The following MBD3 variants were observed in gnomAD, a reference collection of about 807,000 sequenced individuals.
The protein encoded by MBD3 is methyl-CpG-binding domain protein 3.
A neutral mutation model predicts 31.2 loss-of-function variants in MBD3; 13 were observed. The observed-to-expected ratio is 0.42, with a 90% CI of 0.27 to 0.66. The LOEUF (loss-of-function observed/expected upper bound fraction) is 0.66, where lower values mean the gene tolerates loss of function less well. MBD3 is among the 30% of genes least tolerant of loss of function. The probability of loss-of-function intolerance (pLI) is 0.26; values close to 1 mark genes in which losing one functional copy is unlikely to be tolerated. For missense variants in MBD3, 440 were observed against 426.5 expected, an observed-to-expected ratio of 1.03 and a Z score of -0.28; for synonymous variants, 223 against 187.4, an observed-to-expected ratio of 1.19 and a Z score of -1.55.
chr19:1,583,165 T>C (rs1207445428), intron 3 of MBD3: 15 of 164,118 alleles, frequency 9.1e-5, no homozygotes, highest in Non-Finnish European at 1.7e-4. Context: ...GACCGCACCA[T>C]TGCACTACAG....
intron 4 of MBD3, 22 bp from the exon 5 acceptor site, chr19:1,581,291 G>T: frequency 6.2e-7 from 1 of 1,600,658 alleles, no homozygotes. Flanking sequence ...TGGACAAACA[G>T]CCGCAAGTGG....
rs1455194835 is a variant in MBD3 at position 1,573,852 on chromosome 19, AT to A, written c.*4311del. The A allele has an allele frequency of 1.3e-5, 2 of 152,132 alleles. No individual in the cohort carries two copies. The highest frequency in any genetic ancestry group is 1.9e-4 in the East Asian group (1 of 5,200). The allele number at this position is 152,132 out of a possible 1,614,324, so 9.4% of individuals were successfully genotyped here. ...CCCTGTCTCTACTAAAAGTACAAAG[AT>A]TAGCTGGGTGTGGTGGCGGGCGCCC... is the stretch of plus-strand genomic sequence containing the variant. On this transcript the variant is annotated 3_prime_UTR_variant, in exon 7 of 7. Coordinates refer to ENST00000434436, the MANE Select transcript of MBD3 (RefSeq NM_001281453.2).
intron 1 of MBD3, 47 bp downstream of exon 1, chr19:1,592,475 C>G (rs200836939): frequency 5.4e-6 from 6 of 1,108,304 alleles, no homozygotes; most frequent in Non-Finnish European, 7.3e-6. Flanking sequence ...GCAGAGGCCG[C>G]TGGGAGGAGC....
intron 1 of MBD3, chr19:1,592,014 C>G (rs1027570417): frequency 6.6e-6 from 1 of 152,310 alleles, no homozygotes; most frequent in Non-Finnish European, 1.5e-5. Context: ...GCGTGGGAGA[C>G]CAGTCACCCT....
chr19:1,584,990 G>T lies in MBD3; in HGVS notation c.270+65C>A, dbSNP rs143025059. On this transcript the variant is annotated intron_variant, in intron 2 of 6. Coordinates refer to ENST00000434436, the MANE Select transcript of MBD3 (RefSeq NM_001281453.2). The stretch of plus-strand genomic sequence containing the variant: ...CCGGGCTGTGTCGCCTGCAGCTCAC[G>T]TCATGGCCGCGTCCCCGCCTAGAAC... 1.3e-3 allele frequency: 2,117 copies of T among 1,592,460 alleles called. 22 individuals carry two copies. The African/African-American group carries it at 0.015, about 11-fold the overall frequency.
At chr19:1,588,295 T>C (rs1173450070) in intron 1 of MBD3, among the ~76,000 whole-genome samples, 1 of 152,172 alleles carries the variant, frequency 6.6e-6, no homozygotes, top group African/African-American at 2.4e-5. Context: ...TTAACTCTTT[T>C]AATTACTCTC....
At chr19:1,588,779 C>CAAAAAAA (rs750933978) in intron 1 of MBD3, among the ~76,000 whole-genome samples, 25 of 54,952 alleles carry the variant, frequency 4.5e-4, no homozygotes, top group African/African-American at 1.7e-3. Flanking sequence ...ACTGTGTCTC[C>CAAAAAAA]AAAAAAAAAA....
chr19:1,584,428 G>A (rs953137970), intron 3 of MBD3, 112 bp downstream of exon 3: 7 of 1,491,112 alleles, frequency 4.7e-6, no homozygotes, highest in South Asian at 4.5e-5. Flanking sequence ...AGGCTAGCCT[G>A]GAACTCCTGC....
At position 1,592,411 on chromosome 19, in the gene MBD3, C is replaced by CGCAG. The variant is rs561940658; in HGVS notation, c.110+110_110+111insCTGC. The CGCAG allele has an allele frequency of 1.3e-3, 364 of 280,074 alleles. 3 individuals are homozygous for CGCAG. Among genetic ancestry groups the CGCAG allele is most frequent in the African/African-American group, 7.6e-3 (331 of 43,436 alleles). 17.3% of individuals were successfully genotyped at this position (280,074 alleles called of 1,614,324 possible). A position where few individuals can be genotyped will look rare whatever the true frequency, so the allele number is the denominator to read the frequency against. On this transcript the variant is annotated intron_variant, in intron 1 of 6. Coordinates refer to ENST00000434436, the MANE Select transcript of MBD3 (RefSeq NM_001281453.2). ...CACGCAAGACGCACGCACGCACGCA[C>CGCAG]GACGCACGCGCGGGGCCCAGGCCGC...
At chr19:1,588,413 G>C (rs1164178778) in intron 1 of MBD3, among the ~76,000 whole-genome samples, 1 of 152,170 alleles carries the variant, frequency 6.6e-6, no homozygotes, top group Non-Finnish European at 1.5e-5. Flanking sequence ...GAAGGAAGAA[G>C]AGACCCCACA....
intron 1 of MBD3, among the ~76,000 whole-genome samples, chr19:1,591,152 A>G (rs1020226659): frequency 1.2e-4 from 18 of 151,786 alleles, no homozygotes; most frequent in African/African-American, 4.4e-4. Flanking sequence ...GCCCTCCCTG[A>G]CCCCAGTCTC....
rs1916854678 is a variant in MBD3, at chr19:1,575,981, G to GAGAGGGAGAGACAGCAAGAGAC, written c.*2161_*2182dup. 1 of 152,256 alleles carries GAGAGGGAGAGACAGCAAGAGAC rather than the reference G, an allele frequency of 6.6e-6. No individual in the cohort carries two copies. Among genetic ancestry groups the GAGAGGGAGAGACAGCAAGAGAC allele is most frequent in the East Asian group, 1.9e-4 (1 of 5,198 alleles). The allele number at this position is 152,256 out of a possible 1,614,324, so 9.4% of individuals were successfully genotyped here. On this transcript the variant is annotated 3_prime_UTR_variant, in exon 7 of 7. Transcript: ENST00000434436. Reference sequence around the variant, plus strand: ...AGTGACAGGAAGCTGGGCTGCGACAGAGAGGGAGAGACAGCAAGAGACAGA... The same window carrying GAGAGGGAGAGACAGCAAGAGAC: ...AGTGACAGGAAGCTGGGCTGCGACAGAGAGGGAGAGACAGCAAGAGACAGAGGGAGAGACAGCAAGAGACAGA...
intron 1 of MBD3, chr19:1,586,151 A>T (rs2060678250): frequency 6.6e-6 from 1 of 152,240 alleles, no homozygotes; most frequent in Non-Finnish European, 1.5e-5. Flanking sequence ...CGCCACTCTT[A>T]GGTATCTGCC....
At chr19:1,580,560 G>A (rs539098135) in intron 5 of MBD3, among the ~76,000 whole-genome samples, 23 of 152,334 alleles carry the variant, frequency 1.5e-4, no homozygotes, top group African/African-American at 4.8e-4. Context: ...AGGCGCCTCC[G>A]TCACCAGGCG....
intron 1 of MBD3, chr19:1,592,301 G>C (rs915196972): frequency 6.2e-6 from 1 of 162,410 alleles, no homozygotes; most frequent in Non-Finnish European, 1.3e-5. Context: ...CCGTCCGGCA[G>C]CCAGTCCCTG....
rs1175826465 is a variant in MBD3 at position 1,585,457 on chromosome 19, C to G, written c.111-243G>C. The G allele has an allele frequency of 1.9e-6, 1 of 529,554 alleles. No individual in the cohort carries two copies. Among genetic ancestry groups the G allele is most frequent in the South Asian group, 2.0e-5 (1 of 49,204 alleles). 32.8% of individuals were successfully genotyped at this position (529,554 alleles called of 1,614,324 possible). A position where few individuals can be genotyped will look rare whatever the true frequency, so the allele number is the denominator to read the frequency against. On this transcript the variant is annotated intron_variant, in intron 1 of 6. Transcript: ENST00000434436. The surrounding 1 kb of genome is among the most constrained non-coding windows in gnomAD (Gnocchi z 4.1). Reference sequence around the variant, plus strand: ...CCCACAACTGGCCCCTAGATCTGGGCGCCAGCCAGACCCAGAGCACTGGCC... The same window carrying G: ...CCCACAACTGGCCCCTAGATCTGGGGGCCAGCCAGACCCAGAGCACTGGCC...
intron 5 of MBD3, among the ~76,000 whole-genome samples, chr19:1,579,484 C>T (rs1917298693): frequency 6.6e-6 from 1 of 152,136 alleles, no homozygotes; most frequent in African/African-American, 2.4e-5. Context: ...GCCCACCTCC[C>T]TCTCCGGCTG....
intron 2 of MBD3, 159 bp downstream of exon 2, chr19:1,584,896 T>C (rs2060670871): frequency 8.4e-7 from 1 of 1,190,238 alleles, no homozygotes; most frequent in African/African-American, 1.5e-5. Flanking sequence ...CGCCTTGCGC[T>C]CTGCACCCTG....
In MBD3 at chr19:1,573,760, G is replaced by A. The variant is rs971692010; in HGVS notation, c.*4404C>T. ...TGAAAATTAAAACTGAGCAGGGAAG[G>A]CAGTTTTGTGGTCTCATATTATTTG... On this transcript the variant is annotated 3_prime_UTR_variant, in exon 7 of 7. Coordinates refer to ENST00000434436, the MANE Select transcript of MBD3 (RefSeq NM_001281453.2). The A allele has an allele frequency of 1.3e-5, 2 of 152,194 alleles. No individual in the cohort carries two copies. Among genetic ancestry groups the A allele is most frequent in the Non-Finnish European group, 2.9e-5 (2 of 68,040 alleles). 9.4% of individuals were successfully genotyped at this position (152,194 alleles called of 1,614,324 possible). A position where few individuals can be genotyped will look rare whatever the true frequency, so the allele number is the denominator to read the frequency against.
Sources: allele counts gnomAD v4.1 joint callset (sites outside exome capture counted in the v4.1 genomes callset), GRCh38; gene constraint gnomAD v4.1.1; non-coding constraint Gnocchi (gnomAD v3.1); transcripts MANE v1.5; gene names NCBI Gene and HGNC (gene_info 2026-07-23, HGNC 2026-07-21).